The following KLHDC4 variants were observed in gnomAD, a reference collection of about 807,000 sequenced individuals.
The protein encoded by KLHDC4 is kelch domain containing 4, also known as kelch domain-containing protein 4.
Under a neutral mutation model 62.4 loss-of-function variants are expected in KLHDC4, and 90 were observed. The ratio of observed to expected loss-of-function variants is 1.44; its 90% confidence interval spans 1.22 to 1.72. KLHDC4 has a LOEUF of 1.72. Ranked by LOEUF, KLHDC4 falls within the 40% of genes most tolerant of loss-of-function variation. The probability of loss-of-function intolerance (pLI) is 0.00; values close to 1 mark genes in which losing one functional copy is unlikely to be tolerated. For synonymous variants in KLHDC4, 386 were observed against 284.4 expected (o/e 1.36, Z -3.59); for missense variants, 1,025 against 699.7 (o/e 1.47, Z -5.25).
intron 4 of KLHDC4, among the ~76,000 whole-genome samples, chr16:87,749,543 G>C (rs2043577346): frequency 1.5e-5 from 2 of 132,056 alleles, no homozygotes; most frequent in South Asian, 5.3e-4. Flanking sequence ...GACAGAGCGA[G>C]ACTCCATGTC....
intron 8 of KLHDC4, among the ~76,000 whole-genome samples, chr16:87,713,690 A>G (rs2036345654): frequency 6.6e-6 from 1 of 152,090 alleles, no homozygotes; most frequent in Non-Finnish European, 1.5e-5. Flanking sequence ...GCCCAGGAAC[A>G]TGAAACGTGC....
chr16:87,747,952 T>C (rs1384409531), intron 5 of KLHDC4, among the ~76,000 whole-genome samples: 3 of 152,166 alleles, frequency 2.0e-5, no homozygotes, highest in East Asian at 3.9e-4. Context: ...GGCAGAGAGA[T>C]GGTGTGCGTA....
intron 5 of KLHDC4, among the ~76,000 whole-genome samples, chr16:87,739,617 G>GCACGTCATCCATCCACACACCAA (rs2041939837): frequency 6.6e-6 from 1 of 150,862 alleles, no homozygotes; most frequent in Non-Finnish European, 1.5e-5. Flanking sequence ...CCACACACCA[G>GCACGTCATCCATCCACACACCAA]CACGTCATCC....
chr16:87,757,735 T>C (rs894806407), intron 2 of KLHDC4, among the ~76,000 whole-genome samples: 10 of 151,508 alleles, frequency 6.6e-5, no homozygotes, highest in Non-Finnish European at 1.2e-4. Flanking sequence ...CTACTAAAAA[T>C]ACAAAAAGTA....
At chr16:87,733,474 G>A (rs1055825884) in intron 5 of KLHDC4, among the ~76,000 whole-genome samples, 15 of 152,230 alleles carry the variant, frequency 9.9e-5, no homozygotes, top group Non-Finnish European at 1.9e-4. Context: ...GGGTGCGTGT[G>A]CTGGGACTAC....
At chr16:87,699,925 G>A (rs1236109511) in exon 1 of KLHDC4, 1 of 152,260 alleles carries the variant, frequency 6.6e-6, no homozygotes, top group Admixed American at 6.5e-5. Flanking sequence ...TGGAGAACTC[G>A]AGGGAAATGA....
chr16:87,719,037 C>T (rs1453290151), intron 7 of KLHDC4, among the ~76,000 whole-genome samples: 1 of 151,720 alleles, frequency 6.6e-6, no homozygotes, highest in African/African-American at 2.4e-5. Flanking sequence ...AGCAGCCACC[C>T]CATCCGGGAG....
At chr16:87,724,122 G>A (rs1487001546) in intron 7 of KLHDC4, among the ~76,000 whole-genome samples, 1 of 152,220 alleles carries the variant, frequency 6.6e-6, no homozygotes, top group Admixed American at 6.5e-5. Context: ...ACAGGCGTGA[G>A]CCACTGTGCT....
intron 9 of KLHDC4, chr16:87,709,941 C>A (rs1052177724): frequency 1.3e-4 from 62 of 478,662 alleles, no homozygotes; most frequent in African/African-American, 1.1e-3. Context: ...CACACCTCCA[C>A]TGAGAGGTGG....
chr16:87,764,027 C>T (rs531468363), intron 1 of KLHDC4, among the ~76,000 whole-genome samples: 4 of 152,178 alleles, frequency 2.6e-5, no homozygotes, highest in African/African-American at 4.8e-5. Flanking sequence ...AGTGAAGGTG[C>T]GAACCAGGTG....
At chr16:87,745,370 C>T (rs1037310230) in intron 5 of KLHDC4, among the ~76,000 whole-genome samples, 4 of 152,140 alleles carry the variant, frequency 2.6e-5, no homozygotes, top group Admixed American at 6.5e-5. Flanking sequence ...CCCCAGGGCC[C>T]GCCCTGTGGT....
downstream of KLHDC4, among the ~76,000 whole-genome samples, chr16:87,704,938 A>G (rs1317916762): frequency 3.3e-5 from 5 of 152,174 alleles, no homozygotes; most frequent in African/African-American, 9.7e-5. Context: ...CAGGGGGAGC[A>G]TGGAGAACAA....
chr16:87,709,158 G>C, intron 10 of KLHDC4, 107 bp downstream of exon 10: 1 of 1,398,352 alleles, frequency 7.2e-7, no homozygotes. Context: ...GAGAAGTGTC[G>C]GCACAGGCCG....
intron 5 of KLHDC4, 188 bp from the exon 6 acceptor site, chr16:87,730,832 G>A (rs915195033): frequency 1.8e-4 from 94 of 527,692 alleles, no homozygotes; most frequent in Non-Finnish European, 3.0e-4. Context: ...AGCCCAGCTA[G>A]CTAAGCTCAA....
chr16:87,709,737 A>G (rs2035401740), intron 9 of KLHDC4, 70 bp from the exon 10 acceptor site: 1 of 1,460,418 alleles, frequency 6.8e-7, no homozygotes, highest in East Asian at 2.5e-5. Flanking sequence ...CTATGCCCAC[A>G]AGGCCAGGCA....
At chr16:87,705,870 C>A (rs1242919887), downstream of KLHDC4, among the ~76,000 whole-genome samples, 1 of 152,234 alleles carries the variant, frequency 6.6e-6, no homozygotes. Flanking sequence ...ACCAGCTTAG[C>A]TGAGAGTGTG....
chr16:87,700,693 AGGGAGGAGGTTG>A (rs2034101222), exon 1 of KLHDC4: 1 of 186,492 alleles, frequency 5.4e-6, no homozygotes, highest in Non-Finnish European at 9.7e-6. Context: ...TGGAGGGCGG[AGGGAGGAGGTTG>A]GAGGGCGGAG....
downstream of KLHDC4, among the ~76,000 whole-genome samples, chr16:87,702,831 G>A (rs1434169570): frequency 2.6e-5 from 4 of 152,198 alleles, no homozygotes; most frequent in Non-Finnish European, 2.9e-5. Flanking sequence ...CAATCACGCC[G>A]TGCAATGACA....
rs1487361372 is a variant in KLHDC4 at position 87,748,814 on chromosome 16, G to A, written c.370-5C>T. 4 of 1,611,906 alleles carry A rather than the reference G, an allele frequency of 2.5e-6. No homozygotes were observed. Among genetic ancestry groups the A allele is most frequent in the Admixed American group, 1.7e-5 (1 of 59,640 alleles). On this transcript the variant is annotated splice_polypyrimidine_tract_variant and splice_region_variant and intron_variant, in intron 4 of 11. Transcript: ENST00000270583. Reference sequence around the variant, plus strand: ...ACCTTGAGGCACTACCACCGCCTGTGAAAAGAAAGGTGACAGGTCAGGGCA... The same window carrying A: ...ACCTTGAGGCACTACCACCGCCTGTAAAAAGAAAGGTGACAGGTCAGGGCA...
Sources: allele counts gnomAD v4.1 joint callset (sites outside exome capture counted in the v4.1 genomes callset), GRCh38; gene constraint gnomAD v4.1.1; transcripts MANE v1.5; gene names NCBI Gene and HGNC (gene_info 2026-07-23, HGNC 2026-07-21).